Variants in OSBPL8 observed in about 807,000 individuals in gnomAD.
The protein encoded by OSBPL8 is oxysterol-binding protein-related protein 8.
In OSBPL8, 59 loss-of-function variants were observed where a neutral mutation model predicts 125.5. That is an observed-to-expected ratio of 0.47 (90% confidence interval 0.38 to 0.58). The LOEUF is 0.58. Among genes scored for constraint, OSBPL8 ranks in the 20% least tolerant of loss-of-function variants. The pLI is 0.00. For missense variants in OSBPL8, 758 were observed against 1,047.8 expected (o/e 0.72, Z 3.82); for synonymous variants, 330 against 338.9 (o/e 0.97, Z 0.29).
In OSBPL8 at chr12:76,498,240, G is replaced by A. The variant is rs567132025; in HGVS notation, c.-67-10622C>T. On this transcript the variant is annotated intron_variant, in intron 1 of 23. Coordinates refer to ENST00000261183, the MANE Select transcript of OSBPL8 (RefSeq NM_020841.5). ...GCCAACATGGCGAAACCCTGTCTAC[G>A]TATATAAAGAAGAGGTCACACAATG... Among the ~76,000 whole-genome samples, 12 of 152,270 alleles carry A rather than the reference G, an allele frequency of 7.9e-5. No individual in the cohort carries two copies. In the South Asian group the frequency reaches 1.7e-3, roughly 21 times the overall value.
At chr12:76,510,181 A>T (rs375535190) in intron 1 of OSBPL8, among the ~76,000 whole-genome samples, 2 of 152,208 alleles carry the variant, frequency 1.3e-5, no homozygotes, top group East Asian at 3.8e-4. Context: ...ATATCTCCAG[A>T]TCTAGCAAAT....
chr12:76,485,999 T>C (rs1023837172), intron 2 of OSBPL8: 3 of 414,464 alleles, frequency 7.2e-6, no homozygotes, highest in Non-Finnish European at 1.4e-5. Context: ...ATATTAACTT[T>C]TCTTCTGAAA....
intron 1 of OSBPL8, among the ~76,000 whole-genome samples, chr12:76,535,774 A>G (rs1950475801): frequency 6.6e-6 from 1 of 152,228 alleles, no homozygotes; most frequent in South Asian, 2.1e-4. Flanking sequence ...AAACCAGACA[A>G]GAGTACATAC....
At position 76,515,831 on chromosome 12, in the gene OSBPL8, C is replaced by G. The variant is rs765715717; in HGVS notation, c.-67-28213G>C. Among the ~76,000 whole-genome samples the G allele has an allele frequency of 2.0e-5, 3 of 152,070 alleles. No homozygotes were observed. The South Asian group carries it at 6.2e-4, about 32-fold the overall frequency. On this transcript the variant is annotated intron_variant, in intron 1 of 23. Coordinates refer to ENST00000261183, the MANE Select transcript of OSBPL8 (RefSeq NM_020841.5). Reference sequence around the variant, plus strand: ...CTTGGATGATTCAGCTATTAACTCACCCCTTCCATTCCTCCCTGTGAGAGC... The same window carrying G: ...CTTGGATGATTCAGCTATTAACTCAGCCCTTCCATTCCTCCCTGTGAGAGC...
chr12:76,410,050 G>GA (rs35032176), intron 5 of OSBPL8, among the ~76,000 whole-genome samples: 31,490 of 151,654 alleles, frequency 0.21, 3,524 homozygotes, highest in Non-Finnish European at 0.27. Context: ...TTTTCTTCAA[G>GA]AAAAAAAATG....
intron 7 of OSBPL8, among the ~76,000 whole-genome samples, chr12:76,399,383 T>C (rs1953957257): frequency 6.6e-6 from 1 of 151,894 alleles, no homozygotes; most frequent in Non-Finnish European, 1.5e-5. Context: ...GAAAGAAAAA[T>C]AACCAGAGGC....
At chr12:76,425,893 G>A (rs1357932921) in intron 4 of OSBPL8, among the ~76,000 whole-genome samples, 2 of 152,122 alleles carry the variant, frequency 1.3e-5, no homozygotes, top group Non-Finnish European at 2.9e-5. Context: ...CTTGCCGAAT[G>A]CTTTCTTCAG....
intron 1 of OSBPL8, among the ~76,000 whole-genome samples, chr12:76,494,511 C>G (rs1176114947): frequency 6.6e-6 from 1 of 152,016 alleles, no homozygotes; most frequent in African/African-American, 2.4e-5. Context: ...GAATATGATA[C>G]AAGAATGAAG....
rs760053944 is a variant in OSBPL8 at position 76,375,296 on chromosome 12, C to T, written c.1804G>A (p.Ala602Thr). Residue 602 changes from alanine (A) to threonine (T), a missense_variant, in exon 17 of 24, where the codon GCA becomes ACA. Physicochemically the swap from Ala to Thr is moderately conservative, Grantham distance 58. Transcript: ENST00000261183. ...NITCQKTGYS[A>T]ILEFKLKPFL... ...ACCTTTAGTTTAAATTCAAGTATTG[C>T]ACTGTATCCAGTTTTTTGACATGTA... 6.2e-7 allele frequency: 1 copy of T among 1,610,158 alleles called. No individual in the cohort carries two copies. Among genetic ancestry groups the T allele is most frequent in the South Asian group, 1.1e-5 (1 of 90,962 alleles).
intron 9 of OSBPL8, among the ~76,000 whole-genome samples, chr12:76,393,315 T>C (rs1953642948): frequency 6.6e-6 from 1 of 152,202 alleles, no homozygotes; most frequent in Admixed American, 6.5e-5. Flanking sequence ...TTTATATTTG[T>C]TTAGGGCTCT....
chr12:76,500,786 T>C (rs927343746), intron 1 of OSBPL8, among the ~76,000 whole-genome samples: 8 of 152,184 alleles, frequency 5.3e-5, no homozygotes, highest in Non-Finnish European at 1.2e-4. Flanking sequence ...AAAGTATAGA[T>C]GTTAGAAACA....
At chr12:76,488,304 T>C (rs1333358437) in intron 1 of OSBPL8, among the ~76,000 whole-genome samples, 1 of 152,170 alleles carries the variant, frequency 6.6e-6, no homozygotes, top group African/African-American at 2.4e-5. Context: ...AGGTGGGAAA[T>C]GTGAGTGATG....
intron 1 of OSBPL8, among the ~76,000 whole-genome samples, chr12:76,519,788 CTT>C (rs1280137791): frequency 6.6e-6 from 1 of 152,104 alleles, no homozygotes; most frequent in African/African-American, 2.4e-5. Flanking sequence ...GTCCCAGACT[CTT>C]TTAAACAACC....
chr12:76,451,814 C>G (rs766158259), intron 3 of OSBPL8, among the ~76,000 whole-genome samples: 17 of 152,106 alleles, frequency 1.1e-4, no homozygotes, highest in Non-Finnish European at 2.4e-4. Context: ...TTTTATATTC[C>G]TGTGCTTTCA....
intron 1 of OSBPL8, among the ~76,000 whole-genome samples, chr12:76,546,225 T>C (rs905722118): frequency 2.0e-5 from 3 of 152,290 alleles, no homozygotes; most frequent in African/African-American, 7.2e-5. Flanking sequence ...ACTATTAACC[T>C]CTATTAATGA....
Position 76,378,516 on chromosome 12 carries a change from T to C in OSBPL8, c.1665A>G (p.Ala555=), listed in dbSNP as rs753465615. The change falls in exon 16 of 24, where the codon GCA becomes GCG. Residue 555 remains alanine (A), a synonymous_variant. Transcript: ENST00000261183. ...NSLSAILEGE[A]RLTFLNRGED... is the part of the protein sequence containing the mutation. ...CACCTCTATTCAAGAAAGTTAACCG[T>C]GCTTCTCCCTCTAATATTGCAGATA... The C allele has an allele frequency of 8.1e-6, 13 of 1,606,022 alleles. No individual in the cohort carries two copies. In the African/African-American group the frequency reaches 1.6e-4, roughly 20 times the overall value.
At chr12:76,413,595 C>A (rs1868321638) in intron 4 of OSBPL8, among the ~76,000 whole-genome samples, 1 of 152,124 alleles carries the variant, frequency 6.6e-6, no homozygotes. Context: ...CTCTTTTCTC[C>A]ATAACCGTAG....
At chr12:76,384,182 C>T (rs1015113968) in intron 15 of OSBPL8, 72 bp downstream of exon 15, 21 of 819,048 alleles carry the variant, frequency 2.6e-5, no homozygotes, top group Non-Finnish European at 3.5e-5. Flanking sequence ...GCCCATGACA[C>T]TGCCTAAATA....
intron 1 of OSBPL8, among the ~76,000 whole-genome samples, chr12:76,520,849 T>C (rs1019465006): frequency 6.6e-6 from 1 of 152,204 alleles, no homozygotes. Flanking sequence ...AAATATGCTA[T>C]TTAATTAGGC....
Sources: gnomAD v4.1 joint callset for allele counts (sites outside exome capture counted in the v4.1 genomes callset) on GRCh38, gnomAD v4.1.1 for gene constraint, MANE v1.5 for transcripts, NCBI Gene and HGNC (gene_info 2026-07-23, HGNC 2026-07-21) for gene names.